The following MAPK4 variants were observed in gnomAD, a reference collection of about 807,000 sequenced individuals.
MAPK4 encodes mitogen-activated protein kinase 4, also known as Erk3-related.
In MAPK4, 22 loss-of-function variants were observed where a neutral mutation model predicts 47.7. That is an observed-to-expected ratio of 0.46 (90% CI 0.33 to 0.66). The LOEUF is 0.66. MAPK4 is among the 30% of genes least tolerant of loss of function. The pLI is 0.02. For synonymous variants in MAPK4, 390 were observed against 365.7 expected, an observed-to-expected ratio of 1.07 and a Z score of -0.76; for missense variants, 736 against 831.7, an observed-to-expected ratio of 0.88 and a Z score of 1.42.
intron 1 of MAPK4, among the ~76,000 whole-genome samples, chr18:50,637,727 C>G (rs1299198334): frequency 7.2e-5 from 11 of 152,184 alleles, no homozygotes; most frequent in Non-Finnish European, 7.3e-5. Flanking sequence ...AGTCCAAGAT[C>G]ACAGTGTTGG....
intron 1 of MAPK4, among the ~76,000 whole-genome samples, chr18:50,622,633 A>T (rs565182633): frequency 2.0e-5 from 3 of 152,300 alleles, no homozygotes; most frequent in South Asian, 4.1e-4. Context: ...CTCAATAAAC[A>T]TTGACACATG....
chr18:50,596,000 A>C (rs2042478565), intron 1 of MAPK4, among the ~76,000 whole-genome samples: 1 of 152,178 alleles, frequency 6.6e-6, no homozygotes, highest in African/African-American at 2.4e-5. Context: ...GAAGGAATGA[A>C]TAGAACTCAG....
intron 1 of MAPK4, among the ~76,000 whole-genome samples, chr18:50,654,807 G>A (rs1481077790): frequency 6.6e-6 from 1 of 152,242 alleles, no homozygotes; most frequent in East Asian, 1.9e-4. Flanking sequence ...CTTTGCTGAT[G>A]TGGTGCTGGA....
chr18:50,623,516 A>C (rs1174848336), intron 1 of MAPK4, among the ~76,000 whole-genome samples: 2 of 152,042 alleles, frequency 1.3e-5, no homozygotes, highest in African/African-American at 2.4e-5. Flanking sequence ...CATTAGTTCC[A>C]CTTCCAGAAT....
At chr18:50,577,892 A>T (rs914080256) in intron 1 of MAPK4, among the ~76,000 whole-genome samples, 3 of 152,190 alleles carry the variant, frequency 2.0e-5, no homozygotes, top group Non-Finnish European at 2.9e-5. Flanking sequence ...GGAGTGGCAC[A>T]TCTGCCTGTC....
intron 1 of MAPK4, among the ~76,000 whole-genome samples, chr18:50,566,751 C>T (rs936358306): frequency 6.6e-6 from 1 of 152,094 alleles, no homozygotes; most frequent in Non-Finnish European, 1.5e-5. Context: ...TTTTTTGTAT[C>T]ATCTTTACAG....
chr18:50,686,616 C>G (rs535463413), intron 2 of MAPK4, among the ~76,000 whole-genome samples: 1 of 152,230 alleles, frequency 6.6e-6, no homozygotes. Flanking sequence ...AGCTGGCTTC[C>G]TGTAGCTTCC....
chr18:50,599,063 C>G (rs2042511096), intron 1 of MAPK4, among the ~76,000 whole-genome samples: 1 of 152,162 alleles, frequency 6.6e-6, no homozygotes, highest in South Asian at 2.1e-4. Flanking sequence ...AAGAGAGTCA[C>G]TAAGTCTAGC....
chr18:50,620,657 C>T (rs1376586879), intron 1 of MAPK4, among the ~76,000 whole-genome samples: 1 of 152,104 alleles, frequency 6.6e-6, no homozygotes, highest in Non-Finnish European at 1.5e-5. Context: ...ATAATCCTAA[C>T]ACTTTGGGAG....
intron 2 of MAPK4, chr18:50,670,058 C>G (rs1239947058): frequency 2.0e-5 from 3 of 150,446 alleles, no homozygotes; most frequent in Non-Finnish European, 4.4e-5. Flanking sequence ...GCTTGGGAGG[C>G]TGAGGCAGGA....
Position 50,704,830 on chromosome 18 carries a change from T to C in MAPK4, c.547-10249T>C, listed in dbSNP as rs1200193453. The stretch of plus-strand genomic sequence containing the variant: ...CAGCCATCCTGGGAGAGCATCATGA[T>C]GACCAAATGGAAGGAAACAGAGGGT... On this transcript the variant is annotated intron_variant, in intron 2 of 5. Coordinates refer to ENST00000400384, the MANE Select transcript of MAPK4 (RefSeq NM_002747.4). The C allele has an allele frequency of 4.2e-4, 168 of 398,474 alleles. No individual in the cohort carries two copies. The East Asian group carries it at 5.9e-3, about 14-fold the overall frequency. 24.7% of individuals were successfully genotyped at this position (398,474 alleles called of 1,614,324 possible). A position where few individuals can be genotyped will look rare whatever the true frequency, so the allele number is the denominator to read the frequency against.
At chr18:50,605,471 CA>C (rs2149374516) in intron 1 of MAPK4, among the ~76,000 whole-genome samples, 1 of 152,306 alleles carries the variant, frequency 6.6e-6, no homozygotes, top group Admixed American at 6.5e-5. Flanking sequence ...TAGGGCCCAA[CA>C]AAACCAGTCA....
rs2042518825 is a variant in MAPK4, at chr18:50,599,740, A to G, written c.-871+39497A>G. 2.6e-5 allele frequency among the ~76,000 whole-genome samples: 4 copies of G among 152,296 alleles called. No individual in the cohort carries two copies. The South Asian group carries it at 8.3e-4, about 32-fold the overall frequency. On this transcript the variant is annotated intron_variant, in intron 1 of 5. Transcript: ENST00000400384. ...GGCCTGCTTTTATTATTTTTAATAG[A>G]CACATAATAATTAGATACTATAAAT...
intron 1 of MAPK4, among the ~76,000 whole-genome samples, chr18:50,574,667 A>G (rs943629655): frequency 2.6e-5 from 4 of 152,238 alleles, no homozygotes; most frequent in Non-Finnish European, 5.9e-5. Flanking sequence ...AGAGAGTTTT[A>G]AAACTCTCAA....
intron 1 of MAPK4, among the ~76,000 whole-genome samples, chr18:50,585,411 G>T (rs776200265): frequency 3.9e-5 from 6 of 152,124 alleles, no homozygotes; most frequent in Non-Finnish European, 8.8e-5. Context: ...GCCAGGTGGG[G>T]CCTCTACCTC....
At chr18:50,659,301 G>A (rs1013603285) in intron 1 of MAPK4, among the ~76,000 whole-genome samples, 1 of 152,198 alleles carries the variant, frequency 6.6e-6, no homozygotes, top group Non-Finnish European at 1.5e-5. Context: ...TGCTCAGCTG[G>A]AAATAGCGGC....
intron 1 of MAPK4, among the ~76,000 whole-genome samples, chr18:50,615,200 T>A: frequency 6.6e-6 from 1 of 151,930 alleles, no homozygotes; most frequent in East Asian, 1.9e-4. Flanking sequence ...CATAATTGTG[T>A]TGGGGGGGGA....
chr18:50,584,497 A>G (rs1236852258), intron 1 of MAPK4, among the ~76,000 whole-genome samples: 1 of 152,214 alleles, frequency 6.6e-6, no homozygotes, highest in Non-Finnish European at 1.5e-5. Flanking sequence ...CTGAAATTGA[A>G]GATAGTGAAA....
intron 3 of MAPK4, among the ~76,000 whole-genome samples, chr18:50,715,575 C>A (rs945047014): frequency 1.4e-4 from 22 of 152,244 alleles, no homozygotes; most frequent in South Asian, 1.0e-3. Context: ...GAGGATGGAG[C>A]CCTCATGAAT....
Sources: gnomAD v4.1 joint callset for allele counts (sites outside exome capture counted in the v4.1 genomes callset) on GRCh38, gnomAD v4.1.1 for gene constraint, MANE v1.5 for transcripts, NCBI Gene and HGNC (gene_info 2026-07-23, HGNC 2026-07-21) for gene names.